Variants in CHD4 observed in about 807,000 individuals in gnomAD.
The protein encoded by CHD4 is ATP-dependent chromatin remodeler CHD4.
In CHD4, 35 loss-of-function variants were observed where a neutral mutation model predicts 235.5. That is an observed-to-expected ratio of 0.15 (90% CI 0.11 to 0.20). The LOEUF (loss-of-function observed/expected upper bound fraction) is 0.20, where lower values mean the gene tolerates loss of function less well. CHD4 is among the 10% of genes least tolerant of loss of function. CHD4 has a pLI of 1.00. For missense variants in CHD4, 1,329 were observed against 2,432.3 expected, an observed-to-expected ratio of 0.55 and a Z score of 9.54; for synonymous variants, 900 against 850.2, an observed-to-expected ratio of 1.06 and a Z score of -1.02.
chr12:6,578,967 C>T (rs1287583959), intron 33 of CHD4, 50 bp from the exon 34 acceptor site: 3 of 1,518,560 alleles, frequency 2.0e-6, no homozygotes, highest in African/African-American at 1.4e-5. Context: ...GAACATTCTC[C>T]TCTGTTGCAC....
At chr12:6,606,154 C>G in intron 2 of CHD4, 120 bp downstream of exon 2, 1 of 669,666 alleles carries the variant, frequency 1.5e-6, no homozygotes, top group East Asian at 3.2e-5. Context: ...CTTCGGATAC[C>G]CTCCACCTCC....
At chr12:6,574,028 AAG>A (rs1948025154) in intron 37 of CHD4, among the ~76,000 whole-genome samples, 1 of 152,174 alleles carries the variant, frequency 6.6e-6, no homozygotes, top group Non-Finnish European at 1.5e-5. Context: ...CTCAAAAAAA[AAG>A]GGGTTATTTT....
At position 6,579,088 on chromosome 12, in the gene CHD4, G is replaced by A; in HGVS notation, c.4910-171C>T. On this transcript the variant is annotated intron_variant, in intron 33 of 39. Transcript: ENST00000544040. ...CCAGCATCTTGGGAGACAGCAGCAGGCAGATCACTTGAGGTCAGGAGTTCA... is the reference window on the plus strand; with the variant it reads ...CCAGCATCTTGGGAGACAGCAGCAGACAGATCACTTGAGGTCAGGAGTTCA... 2 of 582,828 alleles carry A rather than the reference G, an allele frequency of 3.4e-6. 1 individual carries two copies. The highest frequency in any genetic ancestry group is 3.8e-5 in the South Asian group (2 of 51,964). The allele number at this position is 582,828 out of a possible 1,614,324, so 36.1% of individuals were successfully genotyped here. A position where few individuals can be genotyped will look rare whatever the true frequency, so the allele number is the denominator to read the frequency against.
rs1948432929 is a variant in CHD4 at position 6,593,319 on chromosome 12, T to A, written c.2515-91A>T. ...ATGGAATGTTTTCCTCCTCCCAGGG[T>A]TACCCTTTTGCCTCACCAGGGACCA... On this transcript the variant is annotated intron_variant, in intron 16 of 39. Coordinates refer to ENST00000544040, the MANE Select transcript of CHD4 (RefSeq NM_001273.5). This position sits in a 1 kb window ranked among gnomAD's most constrained non-coding sequence, Gnocchi z 4.9. The A allele has an allele frequency of 1.2e-6, 2 of 1,600,096 alleles. No homozygotes were observed. The highest frequency in any genetic ancestry group is 3.3e-5 in the Admixed American group (2 of 59,782).
In CHD4 at chr12:6,601,714, T is replaced by G; in HGVS notation, c.491A>C (p.Asp164Ala). The change falls in exon 5 of 40, where the codon GAC becomes GCC. Residue 164 changes from aspartate to alanine, a missense_variant. By Grantham distance (126) the Asp-to-Ala change is moderately radical. Coordinates refer to ENST00000544040, the MANE Select transcript of CHD4 (RefSeq NM_001273.5). Reference sequence around the variant, plus strand: ...ATAATCCTCCTCTGAGAACACGTGGTCAATGTCTTCCATGCCCCAGTCTTC... The same window carrying G: ...ATAATCCTCCTCTGAGAACACGTGGGCAATGTCTTCCATGCCCCAGTCTTC... ...LLEDWGMEDI[D>A]HVFSEEDYRT... 3 of 1,614,166 alleles carry G rather than the reference T, an allele frequency of 1.9e-6. No homozygotes were observed. The highest frequency in any genetic ancestry group is 2.5e-6 in the Non-Finnish European group (3 of 1,180,028).
chr12:6,581,004 A>AAAACAAAC (rs150135724), intron 33 of CHD4, 40 bp downstream of exon 33: 1 of 1,607,178 alleles, frequency 6.2e-7, no homozygotes, highest in East Asian at 2.2e-5. Context: ...ACACTGTCTC[A>AAAACAAAC]AAACAAACAA....
intron 25 of CHD4, chr12:6,586,931 C>G (rs539320883): frequency 6.5e-6 from 1 of 154,704 alleles, no homozygotes; most frequent in African/African-American, 2.4e-5. Context: ...CTCCTGGCCT[C>G]AAGTGATCTG....
intron 33 of CHD4, chr12:6,580,208 C>CA (rs1275030072): frequency 1.3e-5 from 2 of 151,728 alleles, no homozygotes; most frequent in African/African-American, 4.9e-5. Context: ...GCCTGGGTGA[C>CA]AGAGTGAGAC....
intron 22 of CHD4, 63 bp downstream of exon 22, chr12:6,591,403 G>T (rs1056044728): frequency 6.3e-6 from 8 of 1,273,110 alleles, no homozygotes; most frequent in African/African-American, 4.4e-5. Context: ...TGCACAAGAA[G>T]TTACAGTCCA....
rs888608628 is a variant in CHD4, at chr12:6,602,568, G to C, written c.101-71C>G. The C allele has an allele frequency of 2.9e-4, 458 of 1,566,160 alleles. No individual in the cohort carries two copies. In the East Asian group the frequency reaches 4.6e-3, roughly 16 times the overall value. ...GCAAAAGGTTAGGCCCTAATCCAGA[G>C]GCTTTAGACTTTATTCCCCACCTCT... On this transcript the variant is annotated intron_variant, in intron 2 of 39. Transcript: ENST00000544040.
At position 6,570,873 on chromosome 12, in the gene CHD4, T is replaced by A; in HGVS notation, c.5717A>T (p.Gln1906Leu). 1 of 1,614,170 alleles carries A rather than the reference T, an allele frequency of 6.2e-7. No homozygotes were observed. The highest frequency in any genetic ancestry group is 1.7e-5 in the Admixed American group (1 of 60,026). ...LANRAPEPTP[Q>L]QVAQQQ ...TCAAGAAGAAAATGGTCCTACCTGC[T>A]GTGGGGTAGGTTCGGGTGCCCGGTT... is the stretch of plus-strand genomic sequence containing the variant. Residue 1906 changes from glutamine (Q) to leucine (L), a missense_variant, in exon 39 of 40, where the codon CAG becomes CTG. By Grantham distance (113) the Gln-to-Leu change is moderately radical. This residue lies in a region of CHD4 where 135 missense variants were observed against 282.3 expected (regional missense o/e 0.48). Coordinates refer to ENST00000544040, the MANE Select transcript of CHD4 (RefSeq NM_001273.5).
intron 17 of CHD4, 31 bp from the exon 18 acceptor site, chr12:6,592,848 CAATGAA>C (rs774585525): frequency 4.5e-4 from 715 of 1,598,584 alleles, no homozygotes; most frequent in Non-Finnish European, 5.5e-4. Flanking sequence ...AGGTGAAATC[CAATGAA>C]AACAGAGCTC....
chr12:6,570,565 A>G lies in CHD4; in HGVS notation c.*111T>C, dbSNP rs1947946226. On this transcript the variant is annotated 3_prime_UTR_variant, in exon 40 of 40. Coordinates refer to ENST00000544040, the MANE Select transcript of CHD4 (RefSeq NM_001273.5). ...TGGGGCTGTTCCTTTACAACATGGAAGATGGGCAGAAGGAAGGTGAGGGTC... is the reference window on the plus strand; with the variant it reads ...TGGGGCTGTTCCTTTACAACATGGAGGATGGGCAGAAGGAAGGTGAGGGTC... The G allele has an allele frequency of 7.4e-7, 1 of 1,344,598 alleles. No individual in the cohort carries two copies. Among genetic ancestry groups the G allele is most frequent in the Non-Finnish European group, 1.1e-6 (1 of 945,190 alleles). 83.3% of individuals were successfully genotyped at this position (1,344,598 alleles called of 1,614,324 possible).
chr12:6,572,884 A>C (rs1310079814), intron 38 of CHD4, 190 bp downstream of exon 38: 7 of 536,946 alleles, frequency 1.3e-5, no homozygotes, highest in Admixed American at 4.4e-5. Flanking sequence ...TTAAAAAAAA[A>C]AAAAGGCAAA....
chr12:6,583,026 CCTT>C lies in CHD4; in HGVS notation c.4145_4147del (p.Glu1382del), dbSNP rs1418680495. 6.3e-7 allele frequency: 1 copy of C among 1,578,134 alleles called. No homozygotes were observed. The highest frequency in any genetic ancestry group is 1.2e-5 in the South Asian group (1 of 84,772). ...AGCAACAAAAAAAGCACAGCCCTCA[CCTT>C]CTGAACGTTCATCAAAGTCTTCATC... On this transcript the variant is annotated inframe_deletion and splice_region_variant, in exon 27 of 40. Transcript: ENST00000544040.
chr12:6,606,644 G>C (rs1036123218), intron 1 of CHD4, 193 bp from the exon 2 acceptor site: 1 of 359,946 alleles, frequency 2.8e-6, no homozygotes, highest in East Asian at 5.0e-5. Context: ...CCCCCACGGA[G>C]CGAGGGAGCG....
At chr12:6,602,236 C>T (rs1948609690) in intron 3 of CHD4, 61 bp from the exon 4 acceptor site, 1 of 1,602,722 alleles carries the variant, frequency 6.2e-7, no homozygotes, top group Non-Finnish European at 8.5e-7. Context: ...ACATGCTGAC[C>T]TCAGGACAGC....
At position 6,595,185 on chromosome 12, in the gene CHD4, T is replaced by A. The variant is rs769413202; in HGVS notation, c.2121+149A>T. On this transcript the variant is annotated intron_variant, in intron 14 of 39. Coordinates refer to ENST00000544040, the MANE Select transcript of CHD4 (RefSeq NM_001273.5). Reference sequence around the variant, plus strand: ...CCTAGTGCTTTCTGATATATAGAGATGTGGAGAAGTGGGGAAGCCGACTTT... The same window carrying A: ...CCTAGTGCTTTCTGATATATAGAGAAGTGGAGAAGTGGGGAAGCCGACTTT... 1.2e-5 allele frequency: 7 copies of A among 600,990 alleles called. No individual in the cohort carries two copies. In the East Asian group the frequency reaches 2.0e-4, roughly 17 times the overall value. The allele number at this position is 600,990 out of a possible 1,614,324, so 37.2% of individuals were successfully genotyped here.
chr12:6,574,296 T>G (rs1416172248), intron 37 of CHD4, among the ~76,000 whole-genome samples: 1 of 152,314 alleles, frequency 6.6e-6, no homozygotes, highest in East Asian at 1.9e-4. Flanking sequence ...TTGCTTCTGT[T>G]GTTTAATGCC....
Sources: gnomAD v4.1 joint callset for allele counts (sites outside exome capture counted in the v4.1 genomes callset) on GRCh38, gnomAD v4.1.1 for gene constraint, gnomAD v4.1.1 regional missense constraint, Gnocchi (gnomAD v3.1) non-coding constraint, MANE v1.5 for transcripts, NCBI Gene and HGNC (gene_info 2026-07-23, HGNC 2026-07-21) for gene names.